Variants in TNS3 observed in about 807,000 individuals in gnomAD.
TNS3 encodes tensin-3.
A neutral mutation model predicts 140.9 loss-of-function variants in TNS3; 45 were observed. That is an observed-to-expected ratio of 0.32 (90% confidence interval 0.25 to 0.41). The LOEUF is 0.41. Among genes scored for constraint, TNS3 ranks in the 10% least tolerant of loss-of-function variants. TNS3 has a pLI of 1.00. For missense variants in TNS3, 1,716 were observed against 1,906.7 expected, an observed-to-expected ratio of 0.90 and a Z score of 1.86; for synonymous variants, 815 against 788.4, an observed-to-expected ratio of 1.03 and a Z score of -0.56.
intron 2 of TNS3, among the ~76,000 whole-genome samples, chr7:47,509,209 G>A (rs1197089014): frequency 6.6e-6 from 1 of 152,194 alleles, no homozygotes; most frequent in East Asian, 1.9e-4. Flanking sequence ...CGGCACTGTA[G>A]GGCAAAATCA....
rs13243224 is a variant in TNS3 at position 47,414,785 on chromosome 7, A to G, written c.586+309T>C. Among the ~76,000 whole-genome samples the G allele has an allele frequency of 2.7e-3, 412 of 152,324 alleles. 2 individuals carry two copies. Among genetic ancestry groups the G allele is most frequent in the Non-Finnish European group, 4.6e-3 (312 of 68,030 alleles). The stretch of plus-strand genomic sequence containing the variant: ...CTTGTGACCTCAAGGCCAACTGCAC[A>G]GCTGACCCACTAGGGCTGCAGCCCA... On this transcript the variant is annotated intron_variant, in intron 11 of 30. Transcript: ENST00000311160.
intron 30 of TNS3, chr7:47,278,483 A>G: frequency 2.2e-6 from 1 of 447,142 alleles, no homozygotes. Context: ...GCCCCAGGTT[A>G]GGACCTGAAT....
chr7:47,277,670 A>C lies in TNS3; in HGVS notation c.*406T>G, dbSNP rs956716981. ...ACAGAAGCGCCCATGCGGACGGGCG[A>C]AGCATGGCAGTCACTCGGCACCTCT... On this transcript the variant is annotated 3_prime_UTR_variant, in exon 31 of 31. Coordinates refer to ENST00000311160, the MANE Select transcript of TNS3 (RefSeq NM_022748.12). 3.5e-6 allele frequency: 1 copy of C among 286,210 alleles called. No homozygotes were observed. Among genetic ancestry groups the C allele is most frequent in the Admixed American group, 4.8e-5 (1 of 20,750 alleles). 17.7% of individuals were successfully genotyped at this position (286,210 alleles called of 1,614,324 possible). A position where few individuals can be genotyped will look rare whatever the true frequency, so the allele number is the denominator to read the frequency against.
At chr7:47,522,821 G>A (rs951397749) in intron 2 of TNS3, among the ~76,000 whole-genome samples, 20 of 152,064 alleles carry the variant, frequency 1.3e-4, no homozygotes, top group East Asian at 3.9e-4. Context: ...CCAGCTACTC[G>A]GGAGGCTGAG....
At chr7:47,299,435 C>T (rs1473613220) in intron 23 of TNS3, among the ~76,000 whole-genome samples, 2 of 152,178 alleles carry the variant, frequency 1.3e-5, no homozygotes, top group Admixed American at 6.5e-5. Flanking sequence ...GTCACTGCGC[C>T]GGGCCTACTT....
chr7:47,422,218 A>C (rs947657751), intron 10 of TNS3, among the ~76,000 whole-genome samples: 1 of 152,206 alleles, frequency 6.6e-6, no homozygotes, highest in Non-Finnish European at 1.5e-5. Context: ...AGAGGGATTA[A>C]CCTTGGAATG....
At chr7:47,535,575 A>G (rs1799570167) in intron 1 of TNS3, among the ~76,000 whole-genome samples, 1 of 152,258 alleles carries the variant, frequency 6.6e-6, no homozygotes, top group Non-Finnish European at 1.5e-5. Context: ...AGCATTTAGC[A>G]GGCTCAGTTC....
intron 10 of TNS3, among the ~76,000 whole-genome samples, chr7:47,418,511 T>C (rs1408873810): frequency 6.6e-6 from 1 of 152,214 alleles, no homozygotes; most frequent in Non-Finnish European, 1.5e-5. Context: ...AAAATGTTCC[T>C]ACTTAGTCAA....
intron 16 of TNS3, among the ~76,000 whole-genome samples, chr7:47,390,461 T>C (rs1003288746): frequency 6.6e-6 from 1 of 152,174 alleles, no homozygotes; most frequent in African/African-American, 2.4e-5. Context: ...GACTGTGTCT[T>C]ATTGCGAAGG....
intron 3 of TNS3, among the ~76,000 whole-genome samples, chr7:47,490,729 C>T (rs1797779965): frequency 6.6e-6 from 1 of 152,238 alleles, no homozygotes; most frequent in African/African-American, 2.4e-5. Flanking sequence ...GCGTTTGTGA[C>T]CTTCTGGCCA....
chr7:47,526,684 G>A (rs907548284), intron 2 of TNS3, among the ~76,000 whole-genome samples: 6 of 152,190 alleles, frequency 3.9e-5, no homozygotes, highest in African/African-American at 1.4e-4. Context: ...TGCCTGGGAC[G>A]TCATCACAGG....
chr7:47,373,776 G>T (rs1791215630), intron 16 of TNS3, among the ~76,000 whole-genome samples: 1 of 152,224 alleles, frequency 6.6e-6, no homozygotes, highest in African/African-American at 2.4e-5. Context: ...GGTGAATATT[G>T]AGTGACAGGC....
intron 4 of TNS3, chr7:47,470,330 A>G: frequency 1.7e-6 from 1 of 588,212 alleles, no homozygotes; most frequent in Non-Finnish European, 2.1e-6. Flanking sequence ...TATCTAAAAT[A>G]AAAGCTGAAG....
intron 3 of TNS3, among the ~76,000 whole-genome samples, chr7:47,484,098 C>G (rs1187175803): frequency 6.6e-6 from 1 of 152,242 alleles, no homozygotes; most frequent in Non-Finnish European, 1.5e-5. Flanking sequence ...TCCTACTGAA[C>G]TTGCTCCTCT....
At chr7:47,511,554 A>G (rs6977806) in intron 2 of TNS3, among the ~76,000 whole-genome samples, 148,098 of 149,290 alleles carry the variant, frequency 0.99, 73,474 homozygotes, top group East Asian at 1. Context: ...CACACTGACA[A>G]GAGCCCTTTA....
At chr7:47,502,498 T>A (rs1015385583) in intron 3 of TNS3, among the ~76,000 whole-genome samples, 2 of 152,026 alleles carry the variant, frequency 1.3e-5, no homozygotes, top group African/African-American at 2.4e-5. Context: ...CTGGTGGAAG[T>A]GAAAAAGCTC....
chr7:47,317,004 A>T (rs916438598), intron 20 of TNS3, among the ~76,000 whole-genome samples: 6 of 152,136 alleles, frequency 3.9e-5, no homozygotes, highest in Non-Finnish European at 8.8e-5. Flanking sequence ...ATGATGAAAA[A>T]CCCACAAATG....
intron 20 of TNS3, among the ~76,000 whole-genome samples, chr7:47,310,824 G>C (rs1787042651): frequency 6.6e-6 from 1 of 152,172 alleles, no homozygotes; most frequent in Admixed American, 6.5e-5. Context: ...GCAGTGTTTG[G>C]TTTTCTGTCC....
rs147302440 is a variant in TNS3, at chr7:47,421,895, A to G, written c.473+2206T>C. Among the ~76,000 whole-genome samples, 1,063 of 152,286 alleles carry G rather than the reference A, an allele frequency of 7.0e-3. 8 individuals carry two copies. Among genetic ancestry groups the G allele is most frequent in the African/African-American group, 0.024 (1,005 of 41,552 alleles). ...GTCACAAATTCCTTGCTAATTAATTATTCTCAAGAGTGATTATTACGAGTT... is the reference window on the plus strand; with the variant it reads ...GTCACAAATTCCTTGCTAATTAATTGTTCTCAAGAGTGATTATTACGAGTT... On this transcript the variant is annotated intron_variant, in intron 10 of 30. Transcript: ENST00000311160.
Sources: allele counts gnomAD v4.1 joint callset (sites outside exome capture counted in the v4.1 genomes callset), GRCh38; gene constraint gnomAD v4.1.1; transcripts MANE v1.5; gene names NCBI Gene and HGNC (gene_info 2026-07-23, HGNC 2026-07-21).